ZMAT4: variants seen among roughly 807,000 people sequenced by gnomAD.
ZMAT4 encodes zinc finger matrin-type protein 4.
Under a neutral mutation model 28.7 loss-of-function variants are expected in ZMAT4, and 17 were observed. That is an observed-to-expected ratio of 0.59 (90% CI 0.41 to 0.89). The LOEUF (loss-of-function observed/expected upper bound fraction) is 0.89, where lower values mean the gene tolerates loss of function less well. Among genes scored for constraint, ZMAT4 ranks in the 40% least tolerant of loss-of-function variants. The probability of loss-of-function intolerance (pLI) is 0.00; values close to 1 mark genes in which losing one functional copy is unlikely to be tolerated. For missense variants in ZMAT4, 240 were observed against 283.8 expected (o/e 0.85, Z 1.11); for synonymous variants, 117 against 109.2 (o/e 1.07, Z -0.44).
intron 1 of ZMAT4, 83 bp from the exon 2 acceptor site, chr8:40,825,763 T>A: frequency 8.9e-7 from 1 of 1,122,144 alleles, no homozygotes; most frequent in Non-Finnish European, 1.3e-6. Flanking sequence ...AAAGCCAGGA[T>A]CACAGTAACA....
At chr8:40,742,343 G>T (rs1408959154) in intron 3 of ZMAT4, among the ~76,000 whole-genome samples, 1 of 150,346 alleles carries the variant, frequency 6.7e-6, no homozygotes, top group Non-Finnish European at 1.5e-5. Context: ...GTTTCTATGT[G>T]TGGTTTATAT....
At chr8:40,607,129 T>G (rs1805621334) in intron 5 of ZMAT4, among the ~76,000 whole-genome samples, 1 of 133,950 alleles carries the variant, frequency 7.5e-6, no homozygotes, top group South Asian at 2.5e-4. Context: ...TTTTTTTTTT[T>G]TTTTTTTTTT....
chr8:40,845,878 C>A (rs1816875495), intron 1 of ZMAT4, among the ~76,000 whole-genome samples: 1 of 151,634 alleles, frequency 6.6e-6, no homozygotes, highest in South Asian at 2.1e-4. Context: ...CAATTAGGAG[C>A]GGCCCCAAAA....
intron 5 of ZMAT4, among the ~76,000 whole-genome samples, chr8:40,589,690 T>G (rs777842396): frequency 1.2e-4 from 18 of 150,988 alleles, no homozygotes; most frequent in Admixed American, 1.3e-4. Context: ...CATCTTACAC[T>G]TAGAGACCTT....
chr8:40,743,399 G>A (rs1812093413), intron 3 of ZMAT4, among the ~76,000 whole-genome samples: 1 of 152,190 alleles, frequency 6.6e-6, no homozygotes. Context: ...CAGCGGATTG[G>A]AGGTTCTCCT....
At chr8:40,820,973 ATG>A (rs1490036245) in intron 2 of ZMAT4, among the ~76,000 whole-genome samples, 5 of 57,468 alleles carry the variant, frequency 8.7e-5, no homozygotes, top group Admixed American at 1.8e-4. Flanking sequence ...GTATGTGTGT[ATG>A]TGTATGTGTG....
chr8:40,771,699 G>A (rs1813395318), intron 2 of ZMAT4, among the ~76,000 whole-genome samples: 1 of 152,130 alleles, frequency 6.6e-6, no homozygotes, highest in Non-Finnish European at 1.5e-5. Flanking sequence ...CTTCATTTTA[G>A]TACATACATA....
At chr8:40,871,986 T>C (rs1817873722) in intron 1 of ZMAT4, among the ~76,000 whole-genome samples, 1 of 152,214 alleles carries the variant, frequency 6.6e-6, no homozygotes, top group Non-Finnish European at 1.5e-5. Context: ...ACAGGGGACT[T>C]GATTTCAAAG....
intron 3 of ZMAT4, among the ~76,000 whole-genome samples, chr8:40,749,760 C>T (rs999546505): frequency 9.2e-5 from 14 of 152,180 alleles, no homozygotes; most frequent in Non-Finnish European, 1.5e-4. Flanking sequence ...TGCAATGCAT[C>T]AAAGGCGGCC....
At chr8:40,554,373 A>AATT (rs1282842608) in intron 6 of ZMAT4, among the ~76,000 whole-genome samples, 1 of 152,146 alleles carries the variant, frequency 6.6e-6, no homozygotes, top group Non-Finnish European at 1.5e-5. Flanking sequence ...TTAATTAGTT[A>AATT]ATTAACTACT....
At chr8:40,885,897 G>GCACT (rs980831535) in intron 1 of ZMAT4, among the ~76,000 whole-genome samples, 12 of 152,160 alleles carry the variant, frequency 7.9e-5, no homozygotes, top group African/African-American at 2.9e-4. Context: ...TTTCTCCCTT[G>GCACT]CACTCATTGG....
chr8:40,775,939 G>A (rs1283056616), intron 2 of ZMAT4, among the ~76,000 whole-genome samples: 1 of 152,148 alleles, frequency 6.6e-6, no homozygotes, highest in South Asian at 2.1e-4. Context: ...ACAGAGAAAA[G>A]GCCATGTGAG....
chr8:40,644,509 A>T lies in ZMAT4; in HGVS notation c.577+30195T>A, dbSNP rs1807209721. The stretch of plus-strand genomic sequence containing the variant: ...GCAATTTGAACAATAAAATAATCAC[A>T]GTAGAATTAGATTATAGTATAAACT... On this transcript the variant is annotated intron_variant, in intron 5 of 6. Transcript: ENST00000297737. Among the ~76,000 whole-genome samples, 5 of 152,242 alleles carry T rather than the reference A, an allele frequency of 3.3e-5. No homozygotes were observed. In the South Asian group the frequency reaches 1.0e-3, roughly 31 times the overall value.
chr8:40,813,259 TAGTTGCCCATG>T (rs1438302646), intron 2 of ZMAT4, among the ~76,000 whole-genome samples: 1 of 152,136 alleles, frequency 6.6e-6, no homozygotes, highest in Non-Finnish European at 1.5e-5. Context: ...CCTCATGAAT[TAGTTGCCCATG>T]AGGGCATAGG....
intron 5 of ZMAT4, among the ~76,000 whole-genome samples, chr8:40,657,451 CT>C (rs1199530602): frequency 8.1e-5 from 12 of 148,594 alleles, no homozygotes; most frequent in South Asian, 2.1e-4. Context: ...GATTAACAGG[CT>C]TTTTTTTTTC....
chr8:40,670,234 G>A (rs2599671), intron 5 of ZMAT4, among the ~76,000 whole-genome samples: 79,133 of 151,472 alleles, frequency 0.52, 20,916 homozygotes, highest in Middle Eastern at 0.62. Context: ...CCAGATATAG[G>A]CTCACACAAT....
Position 40,777,876 on chromosome 8 carries a change from G to T in ZMAT4, c.103-10146C>A, listed in dbSNP as rs368748667. On this transcript the variant is annotated intron_variant, in intron 2 of 6. Coordinates refer to ENST00000297737, the MANE Select transcript of ZMAT4 (RefSeq NM_024645.3). ...TATTCTGTATAACATTTTTATATTAGATTATCTTTTTACCCTATTACTTTA... is the reference window on the plus strand; with the variant it reads ...TATTCTGTATAACATTTTTATATTATATTATCTTTTTACCCTATTACTTTA... 5.3e-5 allele frequency among the ~76,000 whole-genome samples: 8 copies of T among 152,254 alleles called. No individual in the cohort carries two copies. The East Asian group carries it at 7.7e-4, about 15-fold the overall frequency.
chr8:40,731,532 A>G (rs1375206693), intron 3 of ZMAT4, among the ~76,000 whole-genome samples: 2 of 152,188 alleles, frequency 1.3e-5, no homozygotes, highest in Non-Finnish European at 2.9e-5. Flanking sequence ...TATCAACAAA[A>G]AGGAAAAAAG....
intron 5 of ZMAT4, among the ~76,000 whole-genome samples, chr8:40,638,158 C>T (rs1291963621): frequency 1.3e-5 from 2 of 152,082 alleles, no homozygotes; most frequent in African/African-American, 4.8e-5. Flanking sequence ...AATATAGTGA[C>T]TATAGTTAAT....
Sources: gnomAD v4.1 joint callset for allele counts (sites outside exome capture counted in the v4.1 genomes callset) on GRCh38, gnomAD v4.1.1 for gene constraint, MANE v1.5 for transcripts, NCBI Gene and HGNC (gene_info 2026-07-23, HGNC 2026-07-21) for gene names.